PDE3B: variants seen among roughly 807,000 people sequenced by gnomAD.
PDE3B encodes the protein cGMP-inhibited 3',5'-cyclic phosphodiesterase 3B.
In PDE3B, 66 loss-of-function variants were observed where a neutral mutation model predicts 116.8. The observed-to-expected ratio is 0.56, with a 90% confidence interval of 0.46 to 0.69. The LOEUF (loss-of-function observed/expected upper bound fraction) is 0.69, where lower values mean the gene tolerates loss of function less well. PDE3B is among the 30% of genes least tolerant of loss of function. The probability of loss-of-function intolerance (pLI) is 0.00; values close to 1 mark genes in which losing one functional copy is unlikely to be tolerated. For missense variants in PDE3B, 1,384 were observed against 1,368.1 expected (o/e 1.01, Z -0.18); for synonymous variants, 595 against 533.6 (o/e 1.12, Z -1.59).
chr11:14,806,728 G>C (rs1475733307), intron 5 of PDE3B, among the ~76,000 whole-genome samples: 2 of 148,240 alleles, frequency 1.3e-5, no homozygotes, highest in Admixed American at 1.3e-4. Context: ...GCGTAGTGGC[G>C]GGCGCCTGTA....
At chr11:14,879,032 G>C in the PDE3B span, 1 of 1,101,538 alleles carries the variant, frequency 9.1e-7, no homozygotes, top group East Asian at 2.4e-5. Context: ...TCTATAGAAG[G>C]ATGCTTCAGA....
the PDE3B span, among the ~76,000 whole-genome samples, chr11:14,894,701 A>G: frequency 6.6e-6 from 1 of 152,170 alleles, no homozygotes; most frequent in South Asian, 2.1e-4. Flanking sequence ...TAGGTGGGGT[A>G]TTCTCAGGAA....
At chr11:14,888,727 T>G in the PDE3B span, among the ~76,000 whole-genome samples, 54,091 of 152,116 alleles carry the variant, frequency 0.36, 11,032 homozygotes, top group Admixed American at 0.46. Context: ...TGATTTCATC[T>G]TTTTCATCTT....
intron 12 of PDE3B, among the ~76,000 whole-genome samples, chr11:14,844,815 G>C (rs1276276300): frequency 1.3e-5 from 2 of 152,252 alleles, no homozygotes; most frequent in African/African-American, 2.4e-5. Flanking sequence ...GGCTTGCTTA[G>C]GTAAACAAAG....
At chr11:14,665,391 C>T (rs1176078423) in intron 1 of PDE3B, among the ~76,000 whole-genome samples, 1 of 152,186 alleles carries the variant, frequency 6.6e-6, no homozygotes, top group Non-Finnish European at 1.5e-5. Context: ...CACTCCTATT[C>T]CACATACTGT....
chr11:14,752,172 C>T (rs1351555403), intron 1 of PDE3B, among the ~76,000 whole-genome samples: 1 of 152,118 alleles, frequency 6.6e-6, no homozygotes, highest in Admixed American at 6.6e-5. Context: ...TTACCAATAA[C>T]CTCATGTGCT....
At chr11:14,670,690 T>G (rs999650110) in intron 1 of PDE3B, among the ~76,000 whole-genome samples, 1 of 152,142 alleles carries the variant, frequency 6.6e-6, no homozygotes, top group African/African-American at 2.4e-5. Flanking sequence ...CTTTAGGATA[T>G]CTTCCAACCA....
chr11:14,710,934 G>A (rs1433085756), intron 1 of PDE3B, among the ~76,000 whole-genome samples: 1 of 152,140 alleles, frequency 6.6e-6, no homozygotes, highest in Non-Finnish European at 1.5e-5. Flanking sequence ...AACTTTTCTT[G>A]CTCAAAGAAC....
chr11:14,889,172 T>C, the PDE3B span, among the ~76,000 whole-genome samples: 1 of 151,878 alleles, frequency 6.6e-6, no homozygotes, highest in Admixed American at 6.6e-5. Flanking sequence ...TTGTTTTTTT[T>C]TTTTTTTCTG....
chr11:14,848,943 A>C (rs1409178132), intron 12 of PDE3B, among the ~76,000 whole-genome samples: 1 of 152,236 alleles, frequency 6.6e-6, no homozygotes, highest in East Asian at 1.9e-4. Context: ...TGCCATCCCC[A>C]TCAAGCTACC....
intron 5 of PDE3B, among the ~76,000 whole-genome samples, chr11:14,810,463 C>A (rs891268946): frequency 6.6e-6 from 1 of 151,896 alleles, no homozygotes; most frequent in Non-Finnish European, 1.5e-5. Context: ...TGATGATTTC[C>A]AATTTCATCC....
the PDE3B span, among the ~76,000 whole-genome samples, chr11:14,884,430 G>A: frequency 6.7e-6 from 1 of 149,844 alleles, no homozygotes; most frequent in Admixed American, 6.7e-5. Context: ...ACTATCGCAA[G>A]AACAAAAAAC....
In PDE3B at chr11:14,867,569, C is replaced by G. The variant is rs1848070531; in HGVS notation, c.2950C>G (p.Leu984Val). The G allele has an allele frequency of 6.2e-7, 1 of 1,613,842 alleles. No individual in the cohort carries two copies. The highest frequency in any genetic ancestry group is 1.3e-5 in the African/African-American group (1 of 74,928). The change falls in exon 15 of 16, where the codon CTA becomes GTA. Residue 984 changes from leucine (L) to valine (V), a missense_variant. Physicochemically the swap from Leu to Val is conservative, Grantham distance 32. This residue lies in a region of PDE3B where 428 missense variants were observed against 561.4 expected (regional missense o/e 0.76). Transcript: ENST00000282096. ...ATTCATGGATCGTTCTTCTCCTCAA[C>G]TAGCAAAACTCCAAGAATCTTTTAT... ...SPFMDRSSPQ[L>V]AKLQESFITH...
chr11:14,750,511 G>A (rs530445667), intron 1 of PDE3B, among the ~76,000 whole-genome samples: 174 of 151,818 alleles, frequency 1.1e-3, no homozygotes, highest in African/African-American at 3.9e-3. Flanking sequence ...ACATTCATTG[G>A]TTCTTAATGT....
chr11:14,865,122 A>G (rs1206290487), intron 14 of PDE3B, among the ~76,000 whole-genome samples: 5 of 152,336 alleles, frequency 3.3e-5, no homozygotes, highest in African/African-American at 1.2e-4. Flanking sequence ...GAAGAATCAA[A>G]TAGACACAAT....
At chr11:14,672,846 A>G (rs1388669566) in intron 1 of PDE3B, among the ~76,000 whole-genome samples, 1 of 151,638 alleles carries the variant, frequency 6.6e-6, no homozygotes, top group Non-Finnish European at 1.5e-5. Flanking sequence ...ACTTAGTCAT[A>G]TGGTCTTACT....
At chr11:14,712,838 A>G (rs1020157209) in intron 1 of PDE3B, among the ~76,000 whole-genome samples, 1 of 152,176 alleles carries the variant, frequency 6.6e-6, no homozygotes, top group African/African-American at 2.4e-5. Context: ...CTTTGCAAGC[A>G]ATTGTATAGG....
At chr11:14,699,756 C>T (rs1855310993) in intron 1 of PDE3B, among the ~76,000 whole-genome samples, 1 of 151,748 alleles carries the variant, frequency 6.6e-6, no homozygotes, top group South Asian at 2.1e-4. Flanking sequence ...ATTTGGCTCC[C>T]TCTGAAACTG....
intron 1 of PDE3B, among the ~76,000 whole-genome samples, chr11:14,740,295 T>C (rs1328861875): frequency 6.6e-6 from 1 of 152,230 alleles, no homozygotes; most frequent in Non-Finnish European, 1.5e-5. Flanking sequence ...TATTGGTCTA[T>C]TCAAGGATTT....
Sources: allele counts gnomAD v4.1 joint callset (sites outside exome capture counted in the v4.1 genomes callset), GRCh38; gene constraint gnomAD v4.1.1; regional missense constraint gnomAD v4.1.1; transcripts MANE v1.5; gene names NCBI Gene and HGNC (gene_info 2026-07-23, HGNC 2026-07-21).